The following CSRNP3 variants were observed in gnomAD, a reference collection of about 807,000 sequenced individuals.
CSRNP3 encodes cysteine and serine rich nuclear protein 3, also known as cysteine/serine-rich nuclear protein 3.
In CSRNP3, 12 loss-of-function variants were observed where a neutral mutation model predicts 48.0. The observed-to-expected ratio is 0.25, with a 90% confidence interval of 0.16 to 0.41. The LOEUF (loss-of-function observed/expected upper bound fraction) is 0.41. CSRNP3 is among the 10% of genes least tolerant of loss of function. CSRNP3 has a pLI of 1.00. For synonymous variants in CSRNP3, 263 were observed against 269.7 expected, an observed-to-expected ratio of 0.98 and a Z score of 0.24; for missense variants, 580 against 724.4, an observed-to-expected ratio of 0.80 and a Z score of 2.29.
intron 3 of CSRNP3, among the ~76,000 whole-genome samples, chr2:165,578,792 A>G (rs1685494764): frequency 6.6e-6 from 1 of 152,140 alleles, no homozygotes; most frequent in African/African-American, 2.4e-5. Context: ...TGTGATTTCA[A>G]GCTATATCGT....
rs573845599 is a variant in CSRNP3 at position 165,560,990 on chromosome 2, A to C, written c.-23-34053A>C. ...TTTAGTGATAGCTGTCCACTTTTGC[A>C]TAGTGGATTTAGGGCCAGAAAACAT... On this transcript the variant is annotated intron_variant, in intron 3 of 6. Coordinates refer to ENST00000651982, the MANE Select transcript of CSRNP3 (RefSeq NM_001172173.2). Among the ~76,000 whole-genome samples the C allele has an allele frequency of 2.0e-5, 3 of 152,320 alleles. No individual in the cohort carries two copies. The East Asian group carries it at 5.8e-4, about 29-fold the overall frequency.
At position 165,501,266 on chromosome 2, in the gene CSRNP3, T is replaced by A. The variant is rs1015493623; in HGVS notation, c.-113+6338T>A. ...AGGCTGCAAAAGGAAACCTAGGGAG[T>A]TAAGTTAACTGAGTAATTCATGAAC... is the stretch of plus-strand genomic sequence containing the variant. On this transcript the variant is annotated intron_variant, in intron 2 of 6. Transcript: ENST00000651982. Among the ~76,000 whole-genome samples the A allele has an allele frequency of 5.9e-5, 9 of 152,164 alleles. 1 individual carries two copies. The highest frequency in any genetic ancestry group is 2.2e-4 in the African/African-American group (9 of 41,514).
At chr2:165,651,142 G>A (rs1030947303) in intron 4 of CSRNP3, among the ~76,000 whole-genome samples, 1 of 152,138 alleles carries the variant, frequency 6.6e-6, no homozygotes, top group African/African-American at 2.4e-5. Flanking sequence ...AATTTTACAG[G>A]CCCAGATATA....
At chr2:165,486,124 C>G (rs946197137) in intron 1 of CSRNP3, among the ~76,000 whole-genome samples, 1 of 152,198 alleles carries the variant, frequency 6.6e-6, no homozygotes, top group Non-Finnish European at 1.5e-5. Context: ...GAGGCATTGC[C>G]TCACCTGGGA....
intron 4 of CSRNP3, among the ~76,000 whole-genome samples, chr2:165,637,902 T>A (rs976565713): frequency 5.3e-5 from 8 of 152,232 alleles, no homozygotes; most frequent in Non-Finnish European, 7.3e-5. Context: ...CAGTATTTTT[T>A]AAAATGTACT....
chr2:165,563,177 A>G (rs1025630165), intron 3 of CSRNP3, among the ~76,000 whole-genome samples: 8 of 152,200 alleles, frequency 5.3e-5, no homozygotes, highest in African/African-American at 1.9e-4. Flanking sequence ...GTTAAAACAA[A>G]CTAAATATGG....
intron 1 of CSRNP3, among the ~76,000 whole-genome samples, chr2:165,473,364 A>G (rs1179289100): frequency 2.0e-5 from 3 of 152,132 alleles, no homozygotes; most frequent in African/African-American, 7.2e-5. Flanking sequence ...TAGTTTGGCA[A>G]ATAACCTCTT....
At chr2:165,559,861 A>G (rs1244333097) in intron 3 of CSRNP3, among the ~76,000 whole-genome samples, 28 of 130,416 alleles carry the variant, frequency 2.1e-4, no homozygotes, top group African/African-American at 5.6e-4. Context: ...GTGCAGTGGC[A>G]CGATCTCGGC....
chr2:165,497,749 C>G (rs1297508178), intron 2 of CSRNP3, among the ~76,000 whole-genome samples: 1 of 151,984 alleles, frequency 6.6e-6, no homozygotes, highest in African/African-American at 2.4e-5. Flanking sequence ...TGACAAGAAT[C>G]AAAATGTGAG....
chr2:165,501,394 GC>G (rs1231759132), intron 2 of CSRNP3, among the ~76,000 whole-genome samples: 32 of 152,214 alleles, frequency 2.1e-4, no homozygotes, highest in South Asian at 1.2e-3. Context: ...GATAAACACA[GC>G]CTACATTAAC....
In CSRNP3 at chr2:165,679,845, C is replaced by A; in HGVS notation, c.*92C>A. The A allele has an allele frequency of 6.6e-7, 1 of 1,506,782 alleles. No individual in the cohort carries two copies. Among genetic ancestry groups the A allele is most frequent in the Non-Finnish European group, 8.9e-7 (1 of 1,129,860 alleles). 93.3% of individuals were successfully genotyped at this position (1,506,782 alleles called of 1,614,324 possible). A position where few individuals can be genotyped will look rare whatever the true frequency, so the allele number is the denominator to read the frequency against. ...GGCTCATCATTGTTTAAACTGAAGA[C>A]CAAGAAAACTTGGACGGTGGTTAAT... On this transcript the variant is annotated 3_prime_UTR_variant, in exon 7 of 7. Transcript: ENST00000651982.
chr2:165,608,934 C>CAAAAAAAA (rs33952227), intron 4 of CSRNP3, among the ~76,000 whole-genome samples: 837 of 75,418 alleles, frequency 0.011, no homozygotes, highest in Non-Finnish European at 0.013. Context: ...ACTAAAAATA[C>CAAAAAAAA]AAAAAAAAAA....
intron 3 of CSRNP3, among the ~76,000 whole-genome samples, chr2:165,526,073 C>T (rs924829404): frequency 3.3e-5 from 5 of 152,134 alleles, no homozygotes; most frequent in African/African-American, 1.2e-4. Context: ...TTTCTAGTCT[C>T]TATTGTGTCC....
chr2:165,593,349 A>G (rs193284391), intron 3 of CSRNP3, among the ~76,000 whole-genome samples: 35 of 152,308 alleles, frequency 2.3e-4, no homozygotes, highest in Non-Finnish European at 4.7e-4. Flanking sequence ...GTGATCCTCA[A>G]TTTTGAGTGT....
At chr2:165,624,573 T>C (rs1267055871) in intron 4 of CSRNP3, among the ~76,000 whole-genome samples, 1 of 152,196 alleles carries the variant, frequency 6.6e-6, no homozygotes, top group Admixed American at 6.5e-5. Flanking sequence ...ATTGTTATAC[T>C]GGTGCCTCAT....
chr2:165,577,908 T>C (rs1685479014), intron 3 of CSRNP3, among the ~76,000 whole-genome samples: 1 of 151,984 alleles, frequency 6.6e-6, no homozygotes, highest in Non-Finnish European at 1.5e-5. Context: ...TACATACATA[T>C]AGTATAGGAA....
chr2:165,498,758 G>T (rs1684314262), intron 2 of CSRNP3, among the ~76,000 whole-genome samples: 1 of 152,034 alleles, frequency 6.6e-6, no homozygotes, highest in Admixed American at 6.6e-5. Flanking sequence ...TGATGTTAAT[G>T]GTGCTGTCGC....
chr2:165,544,525 TA>T (rs113865486), intron 3 of CSRNP3, among the ~76,000 whole-genome samples: 6,714 of 151,848 alleles, frequency 0.044, 344 homozygotes, highest in African/African-American at 0.11. Context: ...AAGTTGGCTG[TA>T]AAAGAGAAAA....
chr2:165,473,952 AGATCAACTTCAT>A (rs747225487), intron 1 of CSRNP3, among the ~76,000 whole-genome samples: 59 of 152,178 alleles, frequency 3.9e-4, no homozygotes, highest in Admixed American at 7.9e-4. Context: ...CTTTGATACG[AGATCAACTTCAT>A]GATCAACTTC....
Sources: gnomAD v4.1 joint callset for allele counts (sites outside exome capture counted in the v4.1 genomes callset) on GRCh38, gnomAD v4.1.1 for gene constraint, MANE v1.5 for transcripts, NCBI Gene and HGNC (gene_info 2026-07-23, HGNC 2026-07-21) for gene names.